The following GALNT13 variants were observed in gnomAD, a reference collection of about 807,000 sequenced individuals.
GALNT13 encodes UDP-GalNAc:polypeptide N-acetylgalactosaminyltransferase 13.
A neutral mutation model predicts 64.2 loss-of-function variants in GALNT13; 28 were observed. The ratio of observed to expected loss-of-function variants is 0.44; its 90% CI spans 0.32 to 0.60. The LOEUF is 0.60. Among genes scored for constraint, GALNT13 ranks in the 20% least tolerant of loss-of-function variants. The pLI is 0.05. For missense variants in GALNT13, 577 were observed against 669.8 expected, an observed-to-expected ratio of 0.86 and a Z score of 1.53; for synonymous variants, 214 against 224.6, an observed-to-expected ratio of 0.95 and a Z score of 0.42.
At chr2:153,629,818 C>A in the GALNT13 span, among the ~76,000 whole-genome samples, 1 of 146,742 alleles carries the variant, frequency 6.8e-6, no homozygotes, top group South Asian at 2.3e-4. Flanking sequence ...GCAAACAACC[C>A]CATCAAAAAG....
rs185630967 is a variant in GALNT13 at position 154,451,836 on chromosome 2, T to C, written c.*1285T>C. ...AAAGAGTTGCCCTATATATGCATGT[T>C]ATCCATTATAAATGCACTCAGCAGC... On this transcript the variant is annotated 3_prime_UTR_variant, in exon 13 of 13. Coordinates refer to ENST00000392825, the MANE Select transcript of GALNT13 (RefSeq NM_052917.4). 1.8e-4 allele frequency: 27 copies of C among 152,270 alleles called. No homozygotes were observed. Among genetic ancestry groups the C allele is most frequent in the Admixed American group, 1.4e-3 (21 of 15,270 alleles). 9.4% of individuals were successfully genotyped at this position (152,270 alleles called of 1,614,324 possible).
chr2:153,880,365 T>C (rs1430371012), intron 1 of GALNT13, among the ~76,000 whole-genome samples: 1 of 152,176 alleles, frequency 6.6e-6, no homozygotes, highest in East Asian at 1.9e-4. Context: ...GGCTTTTCTT[T>C]GGTGTTTTTT....
At chr2:153,531,132 T>A in the GALNT13 span, among the ~76,000 whole-genome samples, 1 of 152,182 alleles carries the variant, frequency 6.6e-6, no homozygotes, top group Non-Finnish European at 1.5e-5. Flanking sequence ...ATTTGCAAAC[T>A]ACCCATCTGT....
chr2:153,571,657 G>A, the GALNT13 span, among the ~76,000 whole-genome samples: 1 of 151,876 alleles, frequency 6.6e-6, no homozygotes, highest in Non-Finnish European at 1.5e-5. Flanking sequence ...TTAACATCAA[G>A]GGATGTTTAA....
intron 9 of GALNT13, among the ~76,000 whole-genome samples, chr2:154,387,837 G>A (rs569759119): frequency 1.4e-4 from 21 of 152,192 alleles, no homozygotes; most frequent in African/African-American, 5.1e-4. Flanking sequence ...TATACATTTA[G>A]GTTGATCCCA....
intron 4 of GALNT13, among the ~76,000 whole-genome samples, chr2:154,219,800 G>T (rs573701443): frequency 8.5e-4 from 129 of 152,142 alleles, no homozygotes; most frequent in Non-Finnish European, 1.6e-3. Context: ...GTCTCCACCT[G>T]GGAAGTGATC....
intron 4 of GALNT13, among the ~76,000 whole-genome samples, chr2:154,201,628 CT>C (rs1446391533): frequency 6.6e-6 from 1 of 152,098 alleles, no homozygotes; most frequent in Non-Finnish European, 1.5e-5. Context: ...AAATGTTGTT[CT>C]TTAGATCACA....
chr2:153,372,429 C>T, the GALNT13 span, among the ~76,000 whole-genome samples: 14 of 152,006 alleles, frequency 9.2e-5, no homozygotes, highest in African/African-American at 3.1e-4. Flanking sequence ...AGGTGGATCA[C>T]GATGTCAAGA....
In GALNT13 at chr2:154,021,913, G is replaced by A. The variant is rs551043588; in HGVS notation, c.142+77274G>A. On this transcript the variant is annotated intron_variant, in intron 3 of 12. Transcript: ENST00000392825. ...TTTATTGAGAGTTTTTAGCATGAAG[G>A]GTTGTTGAATTTTGTCAAAGGCCTT... 6.9e-3 allele frequency among the ~76,000 whole-genome samples: 1,044 copies of A among 151,856 alleles called. 8 individuals are homozygous for A. Among genetic ancestry groups the A allele is most frequent in the African/African-American group, 0.024 (975 of 41,390 alleles).
chr2:154,181,906 C>CT (rs879312309), intron 4 of GALNT13, among the ~76,000 whole-genome samples: 52 of 150,848 alleles, frequency 3.4e-4, no homozygotes, highest in Admixed American at 7.3e-4. Context: ...TTTTCTCTCT[C>CT]TTTTTTTTTA....
intron 11 of GALNT13, among the ~76,000 whole-genome samples, chr2:154,417,513 A>ATTTTTTTTTTT (rs1387223429): frequency 1.5e-4 from 20 of 130,258 alleles, no homozygotes; most frequent in East Asian, 6.9e-4. Context: ...TTATTTATTT[A>ATTTTTTTTTTT]TTTATTTATT....
At chr2:153,448,234 T>C in the GALNT13 span, among the ~76,000 whole-genome samples, 24 of 152,324 alleles carry the variant, frequency 1.6e-4, no homozygotes, top group Non-Finnish European at 3.1e-4. Context: ...TAGTGAAGCA[T>C]GTTGCTTTTC....
chr2:153,189,342 G>T, the GALNT13 span, among the ~76,000 whole-genome samples: 1 of 151,962 alleles, frequency 6.6e-6, no homozygotes, highest in Non-Finnish European at 1.5e-5. Flanking sequence ...TCTGTGTCTG[G>T]CTTATTTCAC....
chr2:154,435,893 A>G (rs1007478971), intron 11 of GALNT13: 6 of 152,218 alleles, frequency 3.9e-5, no homozygotes, highest in Non-Finnish European at 4.4e-5. Flanking sequence ...AATGACAATT[A>G]TGGGTTAAAA....
At chr2:153,084,609 A>C in the GALNT13 span, among the ~76,000 whole-genome samples, 1 of 152,144 alleles carries the variant, frequency 6.6e-6, no homozygotes, top group African/African-American at 2.4e-5. Context: ...ATAGTGAATA[A>C]GTCTCATGAG....
chr2:153,203,668 C>G, the GALNT13 span, among the ~76,000 whole-genome samples: 1 of 152,136 alleles, frequency 6.6e-6, no homozygotes, highest in Admixed American at 6.5e-5. Flanking sequence ...GAACAGTTGC[C>G]TAAGACTAAT....
At chr2:153,614,846 T>G in the GALNT13 span, among the ~76,000 whole-genome samples, 1 of 152,066 alleles carries the variant, frequency 6.6e-6, no homozygotes, top group Admixed American at 6.6e-5. Context: ...GTATTGGGCA[T>G]CCATCCCCTC....
At chr2:153,993,459 G>A (rs1039972760) in intron 3 of GALNT13, among the ~76,000 whole-genome samples, 1 of 151,962 alleles carries the variant, frequency 6.6e-6, no homozygotes, top group Non-Finnish European at 1.5e-5. Flanking sequence ...ACTTTGGGAA[G>A]CCGAGGCGGG....
At chr2:154,417,732 G>A (rs1054968441) in intron 11 of GALNT13, among the ~76,000 whole-genome samples, 1 of 151,582 alleles carries the variant, frequency 6.6e-6, no homozygotes, top group Non-Finnish European at 1.5e-5. Context: ...GGATGGTCTC[G>A]AACTCCTGAA....
Sources: allele counts gnomAD v4.1 joint callset (sites outside exome capture counted in the v4.1 genomes callset), GRCh38; gene constraint gnomAD v4.1.1; transcripts MANE v1.5; gene names NCBI Gene and HGNC (gene_info 2026-07-23, HGNC 2026-07-21).